The following NUP214 variants were observed in gnomAD, a reference collection of about 807,000 sequenced individuals.
The protein encoded by NUP214 is nuclear pore complex protein Nup214.
In NUP214, 79 loss-of-function variants were observed where a neutral mutation model predicts 196.2. The observed-to-expected ratio is 0.40, with a 90% confidence interval of 0.34 to 0.49. The LOEUF is 0.49. NUP214 is among the 20% of genes least tolerant of loss of function. The probability of loss-of-function intolerance (pLI) is 0.58; values close to 1 mark genes in which losing one functional copy is unlikely to be tolerated. For synonymous variants in NUP214, 1,020 were observed against 990.5 expected (o/e 1.03, Z -0.56); for missense variants, 2,468 against 2,539.0 (o/e 0.97, Z 0.60).
At chr9:131,165,059 TAA>T (rs1437583100) in intron 21 of NUP214, 2 of 150,772 alleles carry the variant, frequency 1.3e-5, no homozygotes, top group Non-Finnish European at 1.5e-5. Context: ...AATTTTCAAA[TAA>T]TTTTTCTTTA....
At chr9:131,200,186 T>C (rs1453929042) in intron 29 of NUP214, among the ~76,000 whole-genome samples, 1 of 152,256 alleles carries the variant, frequency 6.6e-6, no homozygotes, top group East Asian at 1.9e-4. Context: ...TCTTCTTTCA[T>C]TTAGTATCTG....
In NUP214 at chr9:131,144,480, C is replaced by A. The variant is rs763655138; in HGVS notation, c.1495C>A (p.Pro499Thr). The stretch of plus-strand genomic sequence containing the variant: ...GTCATCTGCTACGGTCACTGGGGAG[C>A]CCCCTTCATATTCCAGTGGCTCCGA... Reference protein sequence around the residue: ...LKSSATVTGEPPSYSSGSDSS... With the variant: ...LKSSATVTGETPSYSSGSDSS... The change falls in exon 12 of 36, where the codon CCC (proline) becomes ACC (threonine). Residue 499 changes from proline (P) to threonine (T), a missense_variant. Coordinates refer to ENST00000359428, the MANE Select transcript of NUP214 (RefSeq NM_005085.4). 5 of 1,614,122 alleles carry A rather than the reference C, an allele frequency of 3.1e-6. No homozygotes were observed. In the Admixed American group the frequency reaches 8.3e-5, roughly 27 times the overall value.
intron 1 of NUP214, among the ~76,000 whole-genome samples, chr9:131,127,251 C>G (rs771534650): frequency 4.6e-5 from 7 of 152,100 alleles, no homozygotes; most frequent in Non-Finnish European, 1.0e-4. Flanking sequence ...GCCATGGTGG[C>G]GGGTGCCTGT....
rs767238801 is a variant in NUP214 at position 131,150,802 on chromosome 9, C to T, written c.2277+37C>T. 7 of 1,576,326 alleles carry T rather than the reference C, an allele frequency of 4.4e-6. No individual in the cohort carries two copies. The Admixed American group carries it at 1.3e-4, about 30-fold the overall frequency. On this transcript the variant is annotated intron_variant, in intron 16 of 35. Coordinates refer to ENST00000359428, the MANE Select transcript of NUP214 (RefSeq NM_005085.4). ...TGGATACTTTTCCTGAGTTGAATTGCATTTAACAATTTTTTTCTCCTAGTA... is the reference window on the plus strand; with the variant it reads ...TGGATACTTTTCCTGAGTTGAATTGTATTTAACAATTTTTTTCTCCTAGTA...
Position 131,198,522 on chromosome 9 carries a change from A to G in NUP214, c.5028A>G (p.Gln1676=). 1.9e-6 allele frequency: 3 copies of G among 1,614,254 alleles called. No homozygotes were observed. Among genetic ancestry groups the G allele is most frequent in the Non-Finnish European group, 2.5e-6 (3 of 1,180,044 alleles). ...CCTCTGCCACGCCCGTGTTTGGGCA[A>G]GTGGCAGCCAGCACCGCACCAAGTC... The part of the protein sequence containing the change: ...TAPSATPVFG[Q]VAASTAPSLF... Residue 1676 remains glutamine, a synonymous_variant, in exon 29 of 36, where the codon CAA becomes CAG. Coordinates refer to ENST00000359428, the MANE Select transcript of NUP214 (RefSeq NM_005085.4).
chr9:131,219,611 TG>T (rs1448585041), intron 31 of NUP214, among the ~76,000 whole-genome samples: 2 of 152,210 alleles, frequency 1.3e-5, no homozygotes, highest in African/African-American at 4.8e-5. Flanking sequence ...TGGGAACCCA[TG>T]GAGACATCTA....
At position 131,231,373 on chromosome 9, in the gene NUP214, A is replaced by C. The variant is rs1458426327; in HGVS notation, c.6214+604A>C. On this transcript the variant is annotated intron_variant, in intron 34 of 35. Coordinates refer to ENST00000359428, the MANE Select transcript of NUP214 (RefSeq NM_005085.4). ...GGCCCGGCTAATTTTTTGTGTTTTT[A>C]GTAGAGATGGGGTTTCACTGTGTTA... 3.3e-5 allele frequency among the ~76,000 whole-genome samples: 5 copies of C among 152,172 alleles called. No homozygotes were observed. In the East Asian group the frequency reaches 9.7e-4, roughly 29 times the overall value.
chr9:131,130,137 G>GTTTTTTTTTTGTTTTTTTTT (rs1831491705), intron 4 of NUP214, among the ~76,000 whole-genome samples: 1 of 76,894 alleles, frequency 1.3e-5, no homozygotes, highest in Non-Finnish European at 2.3e-5. Context: ...TTCTGGTTTT[G>GTTTTTTTTTTGTTTTTTTTT]TTTTTTTTTT....
chr9:131,222,788 C>T lies in NUP214; in HGVS notation c.5760C>T (p.Asn1920=). The T allele has an allele frequency of 6.2e-7, 1 of 1,614,086 alleles. No individual in the cohort carries two copies. The highest frequency in any genetic ancestry group is 1.7e-4 in the Middle Eastern group (1 of 6,060). ...FGSTATSNTS[N]LFGNSGAKTF... ...TCTTCATCTCTTCAGATACCTCTAA[C>T]CTATTTGGAAACAGTGGGGCCAAGA... is the stretch of plus-strand genomic sequence containing the variant. Residue 1920 remains asparagine (N), a synonymous_variant, in exon 32 of 36, where the codon AAC becomes AAT. Transcript: ENST00000359428.
At chr9:131,148,239 A>G (rs1381812356) in intron 14 of NUP214, among the ~76,000 whole-genome samples, 1 of 152,202 alleles carries the variant, frequency 6.6e-6, no homozygotes, top group Non-Finnish European at 1.5e-5. Flanking sequence ...ACCTCCTATC[A>G]AGTGGATTTG....
intron 3 of NUP214, 100 bp from the exon 4 acceptor site, chr9:131,129,179 T>C: frequency 1.0e-6 from 1 of 966,918 alleles, no homozygotes; most frequent in South Asian, 1.6e-5. Flanking sequence ...ATAAACTGAT[T>C]TGAGATACCT....
intron 11 of NUP214, among the ~76,000 whole-genome samples, chr9:131,143,416 G>A (rs1209722426): frequency 6.6e-6 from 1 of 151,694 alleles, no homozygotes; most frequent in Non-Finnish European, 1.5e-5. Context: ...AAATTACTGG[G>A]TCTGTTTTTT....
chr9:131,234,514 A>G lies in NUP214; in HGVS notation c.*1027A>G, dbSNP rs538506475. The G allele has an allele frequency of 8.6e-6, 2 of 232,104 alleles. No homozygotes were observed. Among genetic ancestry groups the G allele is most frequent in the East Asian group, 1.2e-4 (2 of 16,454 alleles). 14.4% of individuals were successfully genotyped at this position (232,104 alleles called of 1,614,324 possible). On this transcript the variant is annotated 3_prime_UTR_variant, in exon 36 of 36. Transcript: ENST00000359428. ...CCGTCTCGCATTGAAAACAGATGTAAGAATTTCTCTTTCAGGCCCAGAATC... is the reference window on the plus strand; with the variant it reads ...CCGTCTCGCATTGAAAACAGATGTAGGAATTTCTCTTTCAGGCCCAGAATC...
chr9:131,138,728 T>C (rs1389691136), intron 9 of NUP214, among the ~76,000 whole-genome samples: 2 of 152,232 alleles, frequency 1.3e-5, no homozygotes, highest in Non-Finnish European at 2.9e-5. Context: ...ACAGGAAAGC[T>C]GACCAGCCTG....
At chr9:131,209,759 T>C (rs1386615940) in intron 30 of NUP214, among the ~76,000 whole-genome samples, 1 of 152,192 alleles carries the variant, frequency 6.6e-6, no homozygotes, top group Non-Finnish European at 1.5e-5. Flanking sequence ...CAACAATAAT[T>C]TATTCAGCAT....
chr9:131,147,730 G>A (rs547014175), intron 14 of NUP214, 146 bp downstream of exon 14: 3 of 643,734 alleles, frequency 4.7e-6, no homozygotes, highest in East Asian at 2.7e-5. Context: ...CAAAGTGCGA[G>A]GTTTGAATAC....
At chr9:131,130,151 G>GTTTTT (rs56836232) in intron 4 of NUP214, among the ~76,000 whole-genome samples, 2 of 109,198 alleles carry the variant, frequency 1.8e-5, no homozygotes, top group African/African-American at 7.2e-5. Context: ...TTTTTTTTTT[G>GTTTTT]TTTTTTTTTT....
In NUP214 at chr9:131,147,603, T is replaced by C; in HGVS notation, c.2040+19T>C. On this transcript the variant is annotated intron_variant, in intron 14 of 35. Coordinates refer to ENST00000359428, the MANE Select transcript of NUP214 (RefSeq NM_005085.4). ...TCCCCAGGTATGTTTAAATTCAGCT[T>C]GCAATGTTTGTGTTTATTAATTTAC... 1 of 1,551,668 alleles carries C rather than the reference T, an allele frequency of 6.4e-7. No individual in the cohort carries two copies.
At chr9:131,202,717 CAGGCG>C (rs1484796568) in intron 30 of NUP214, among the ~76,000 whole-genome samples, 2 of 152,034 alleles carry the variant, frequency 1.3e-5, no homozygotes, top group Non-Finnish European at 2.9e-5. Context: ...GCTGGGATTA[CAGGCG>C]TGAGCCACTG....
Sources: allele counts gnomAD v4.1 joint callset (sites outside exome capture counted in the v4.1 genomes callset), GRCh38; gene constraint gnomAD v4.1.1; transcripts MANE v1.5; gene names NCBI Gene and HGNC (gene_info 2026-07-23, HGNC 2026-07-21).